Variants in FSTL4 observed in about 807,000 individuals in gnomAD.
FSTL4 encodes follistatin like 4.
FSTL4 carries 28 observed loss-of-function variants against 78.2 expected under a neutral mutation model. That is an observed-to-expected ratio of 0.36 (90% CI 0.27 to 0.49). The LOEUF (loss-of-function observed/expected upper bound fraction) is 0.49, where lower values mean the gene tolerates loss of function less well. Among genes scored for constraint, FSTL4 ranks in the 20% least tolerant of loss-of-function variants. The pLI, the probability that FSTL4 is intolerant of heterozygous loss-of-function variation, is 0.98. For synonymous variants in FSTL4, 422 were observed against 440.5 expected (o/e 0.96, Z 0.53); for missense variants, 922 against 1,084.9 (o/e 0.85, Z 2.11).
the FSTL4 span, among the ~76,000 whole-genome samples, chr5:133,685,601 C>A: frequency 1.3e-5 from 2 of 152,234 alleles, no homozygotes; most frequent in African/African-American, 4.8e-5. Context: ...TGCTTTCTAG[C>A]ACCTCCGCAG....
At chr5:133,292,730 A>G (rs1223704828) in intron 6 of FSTL4, among the ~76,000 whole-genome samples, 1 of 107,440 alleles carries the variant, frequency 9.3e-6, no homozygotes, top group East Asian at 2.1e-4. Flanking sequence ...TATAAGGTGA[A>G]AAGAGACAAA....
the FSTL4 span, among the ~76,000 whole-genome samples, chr5:133,674,534 C>A: frequency 6.6e-6 from 1 of 152,060 alleles, no homozygotes; most frequent in South Asian, 2.1e-4. Flanking sequence ...TGAAAAGAAA[C>A]CTTGAGAAAT....
chr5:133,226,073 G>C (rs186739558), intron 8 of FSTL4: 2 of 348,900 alleles, frequency 5.7e-6, no homozygotes, highest in East Asian at 4.3e-5. Context: ...TTCTAAATAC[G>C]ATCAGAAGGC....
chr5:133,360,419 T>C (rs1285080681), intron 4 of FSTL4, among the ~76,000 whole-genome samples: 1 of 152,084 alleles, frequency 6.6e-6, no homozygotes, highest in Admixed American at 6.5e-5. Context: ...AAATCTTAAG[T>C]TAAAAAACAT....
At chr5:133,826,682 A>C in the FSTL4 span, among the ~76,000 whole-genome samples, 1 of 152,308 alleles carries the variant, frequency 6.6e-6, no homozygotes, top group East Asian at 1.9e-4. Context: ...CAAGATCCTT[A>C]ATTTAATTTC....
the FSTL4 span, among the ~76,000 whole-genome samples, chr5:133,624,200 A>AAGAAAATCTTCATGTTCTTT: frequency 6.6e-6 from 1 of 151,988 alleles, no homozygotes; most frequent in Admixed American, 6.6e-5. Context: ...AATGACTCAA[A>AAGAAAATCTTCATGTTCTTT]TGTTCACCAA....
chr5:133,408,186 T>C (rs1009523583), intron 3 of FSTL4, among the ~76,000 whole-genome samples: 2 of 152,150 alleles, frequency 1.3e-5, no homozygotes, highest in African/African-American at 4.8e-5. Context: ...CAGTAAGTAA[T>C]CCTTGGGCAG....
intron 2 of FSTL4, among the ~76,000 whole-genome samples, chr5:133,570,958 A>T (rs154132): frequency 0.41 from 62,611 of 151,974 alleles, 13,078 homozygotes; most frequent in African/African-American, 0.47. Context: ...AAGCCAGAAA[A>T]TGAGGGTCAG....
At chr5:133,725,629 G>A in the FSTL4 span, among the ~76,000 whole-genome samples, 2 of 152,186 alleles carry the variant, frequency 1.3e-5, no homozygotes, top group African/African-American at 4.8e-5. Flanking sequence ...ACAGGTATGT[G>A]GAGGGTGGTA....
At position 133,402,811 on chromosome 5, in the gene FSTL4, C is replaced by T. The variant is rs548315289; in HGVS notation, c.161-1825G>A. Among the ~76,000 whole-genome samples the T allele has an allele frequency of 2.2e-3, 342 of 152,248 alleles. 1 individual carries two copies. The highest frequency in any genetic ancestry group is 8.0e-3 in the African/African-American group (331 of 41,526). On this transcript the variant is annotated intron_variant, in intron 3 of 15. Coordinates refer to ENST00000265342, the MANE Select transcript of FSTL4 (RefSeq NM_015082.2). ...AATATCTCTGAGCAGTATAAAAGTG[C>T]AGATCCTAAGGAGGCGGGAATCTCT...
chr5:133,784,974 G>C, the FSTL4 span, among the ~76,000 whole-genome samples: 2 of 152,086 alleles, frequency 1.3e-5, no homozygotes, highest in Non-Finnish European at 2.9e-5. Flanking sequence ...GAGGACTTTG[G>C]GGGAGAAGGA....
chr5:133,425,657 C>T (rs1410705296), intron 3 of FSTL4, among the ~76,000 whole-genome samples: 1 of 152,182 alleles, frequency 6.6e-6, no homozygotes, highest in African/African-American at 2.4e-5. Context: ...CTCTCTGAAA[C>T]TCTACATTTG....
the FSTL4 span, among the ~76,000 whole-genome samples, chr5:133,727,119 A>G: frequency 5.3e-5 from 8 of 152,218 alleles, no homozygotes; most frequent in Admixed American, 3.3e-4. Context: ...TGTCCCAGAC[A>G]AAGAGAAGAT....
chr5:133,719,613 C>T, the FSTL4 span, among the ~76,000 whole-genome samples: 545 of 142,124 alleles, frequency 3.8e-3, 3 homozygotes, highest in African/African-American at 0.013. Context: ...ACAGAGGCTG[C>T]GGTGAGCCAA....
chr5:133,753,146 G>A, the FSTL4 span, among the ~76,000 whole-genome samples: 1 of 152,182 alleles, frequency 6.6e-6, no homozygotes, highest in African/African-American at 2.4e-5. Context: ...TTACCTGTAT[G>A]CATTATTCAC....
chr5:133,780,019 C>T, the FSTL4 span, among the ~76,000 whole-genome samples: 1 of 152,156 alleles, frequency 6.6e-6, no homozygotes, highest in African/African-American at 2.4e-5. Flanking sequence ...TCTGGGGAGC[C>T]CTGGAAACAG....
intron 7 of FSTL4, among the ~76,000 whole-genome samples, chr5:133,242,093 T>C (rs551097608): frequency 6.6e-6 from 1 of 152,308 alleles, no homozygotes; most frequent in Non-Finnish European, 1.5e-5. Context: ...TTCCGAGAAC[T>C]TATCTTACAC....
intron 6 of FSTL4, among the ~76,000 whole-genome samples, chr5:133,268,998 G>A (rs187590558): frequency 3.3e-5 from 5 of 151,908 alleles, no homozygotes; most frequent in African/African-American, 9.7e-5. Flanking sequence ...TGGCTAACAC[G>A]GTGAAACCCC....
At chr5:133,211,595 CCTT>C (rs1750726009) in intron 13 of FSTL4, among the ~76,000 whole-genome samples, 2 of 152,220 alleles carry the variant, frequency 1.3e-5, no homozygotes. Context: ...AAGCATTTCT[CCTT>C]AACTCACTTT....
Sources: allele counts gnomAD v4.1 joint callset (sites outside exome capture counted in the v4.1 genomes callset), GRCh38; gene constraint gnomAD v4.1.1; transcripts MANE v1.5; gene names NCBI Gene and HGNC (gene_info 2026-07-23, HGNC 2026-07-21).